Variants in FYB2 observed in about 807,000 individuals in gnomAD.
The protein encoded by FYB2 is FYN-binding protein 2.
Under a neutral mutation model 94.1 loss-of-function variants are expected in FYB2, and 103 were observed. The observed-to-expected ratio is 1.09, with a 90% confidence interval of 0.93 to 1.29. The LOEUF (loss-of-function observed/expected upper bound fraction) is 1.29, where lower values mean the gene tolerates loss of function less well. Ranked by LOEUF, FYB2 falls within the 50% of genes most tolerant of loss-of-function variation. The pLI, the probability that FYB2 is intolerant of heterozygous loss-of-function variation, is 0.00. For missense variants in FYB2, 896 were observed against 841.5 expected (o/e 1.06, Z -0.80); for synonymous variants, 293 against 287.9 (o/e 1.02, Z -0.18).
Position 56,758,810 on chromosome 1 carries a change from C to T in FYB2, c.1064-60G>A. 3.9e-6 allele frequency: 5 copies of T among 1,297,236 alleles called. No homozygotes were observed. In the East Asian group the frequency reaches 1.2e-4, roughly 31 times the overall value. The allele number at this position is 1,297,236 out of a possible 1,614,324, so 80.4% of individuals were successfully genotyped here. On this transcript the variant is annotated intron_variant, in intron 5 of 19. Coordinates refer to ENST00000343433, the MANE Select transcript of FYB2 (RefSeq NM_001004303.5). ...CTGATCCACCCATTTCTTATAGCACCCAGGATTAAAGCAGTTATAAAAGAT... is the reference window on the plus strand; with the variant it reads ...CTGATCCACCCATTTCTTATAGCACTCAGGATTAAAGCAGTTATAAAAGAT...
intron 15 of FYB2, among the ~76,000 whole-genome samples, chr1:56,727,824 T>C (rs899101495): frequency 6.6e-6 from 1 of 152,136 alleles, no homozygotes; most frequent in Non-Finnish European, 1.5e-5. Flanking sequence ...ACTTTTTGTT[T>C]TCTTTTGATT....
At chr1:56,735,794 C>T (rs1009661727) in intron 15 of FYB2, among the ~76,000 whole-genome samples, 2 of 152,096 alleles carry the variant, frequency 1.3e-5, no homozygotes, top group African/African-American at 4.8e-5. Context: ...GAGGCCTCAC[C>T]AGCCACGCGG....
Position 56,797,958 on chromosome 1 carries a change from G to C in FYB2, c.10-5155C>G, listed in dbSNP as rs560390195. Among the ~76,000 whole-genome samples the C allele has an allele frequency of 2.0e-5, 3 of 152,208 alleles. No homozygotes were observed. In the East Asian group the frequency reaches 5.8e-4, roughly 29 times the overall value. Reference sequence around the variant, plus strand: ...TTCAGTATTTGCCCACTGCTGTAGTGCCAGTGCCTCAATAAAAATGCGGTG... The same window carrying C: ...TTCAGTATTTGCCCACTGCTGTAGTCCCAGTGCCTCAATAAAAATGCGGTG... On this transcript the variant is annotated intron_variant, in intron 1 of 19. Coordinates refer to ENST00000343433, the MANE Select transcript of FYB2 (RefSeq NM_001004303.5).
At chr1:56,754,839 A>G (rs1269412027) in intron 7 of FYB2, among the ~76,000 whole-genome samples, 1 of 152,124 alleles carries the variant, frequency 6.6e-6, no homozygotes, top group Non-Finnish European at 1.5e-5. Flanking sequence ...AGCTCAATAA[A>G]TGTTGAACTA....
intron 3 of FYB2, among the ~76,000 whole-genome samples, chr1:56,788,235 A>G (rs1414982254): frequency 6.6e-6 from 1 of 152,184 alleles, no homozygotes; most frequent in African/African-American, 2.4e-5. Context: ...ATGAACAAAG[A>G]CTGTGTTAGC....
At chr1:56,755,482 G>A (rs1266291648) in intron 7 of FYB2, among the ~76,000 whole-genome samples, 1 of 152,054 alleles carries the variant, frequency 6.6e-6, no homozygotes, top group Non-Finnish European at 1.5e-5. Flanking sequence ...AAGAGCAAAG[G>A]CAAAGAGACT....
chr1:56,730,442 A>T (rs1417714717), intron 15 of FYB2, among the ~76,000 whole-genome samples: 1 of 148,032 alleles, frequency 6.8e-6, no homozygotes, highest in Non-Finnish European at 1.5e-5. Flanking sequence ...GAGGGAGGGG[A>T]TGGCAAGTTC....
chr1:56,766,497 G>C (rs189861217), intron 5 of FYB2, among the ~76,000 whole-genome samples: 246 of 151,684 alleles, frequency 1.6e-3, no homozygotes, highest in Non-Finnish European at 2.0e-3. Context: ...GCAGTGGCGC[G>C]ATCTCGGCTC....
intron 4 of FYB2, among the ~76,000 whole-genome samples, chr1:56,778,212 G>T (rs1473370882): frequency 6.6e-6 from 1 of 152,170 alleles, no homozygotes; most frequent in Non-Finnish European, 1.5e-5. Flanking sequence ...GTCCCCTTTG[G>T]CAAGGCCCTT....
chr1:56,723,231 A>C (rs1007851623), intron 17 of FYB2, among the ~76,000 whole-genome samples: 10 of 151,838 alleles, frequency 6.6e-5, no homozygotes, highest in Non-Finnish European at 1.5e-4. Flanking sequence ...ACACGCACAC[A>C]CACACACAAA....
upstream of FYB2, among the ~76,000 whole-genome samples, chr1:56,820,554 C>T (rs1570280780): frequency 3.9e-5 from 6 of 152,172 alleles, no homozygotes; most frequent in Admixed American, 3.9e-4. Flanking sequence ...CCTGTCCTGA[C>T]CAGGGAGAGG....
At chr1:56,781,645 A>G (rs1646011587) in intron 4 of FYB2, among the ~76,000 whole-genome samples, 1 of 152,114 alleles carries the variant, frequency 6.6e-6, no homozygotes, top group South Asian at 2.1e-4. Flanking sequence ...TTTCCCATGA[A>G]ATTTATTATT....
intron 2 of FYB2, among the ~76,000 whole-genome samples, chr1:56,790,174 T>C (rs987546041): frequency 6.6e-6 from 1 of 152,194 alleles, no homozygotes; most frequent in African/African-American, 2.4e-5. Flanking sequence ...GCCATTCATG[T>C]GAAAACTTAA....
chr1:56,755,070 C>T (rs1184967244), intron 7 of FYB2, among the ~76,000 whole-genome samples: 2 of 152,004 alleles, frequency 1.3e-5, no homozygotes, highest in Non-Finnish European at 2.9e-5. Flanking sequence ...ATCAACCATG[C>T]TTTTTAAAAA....
At chr1:56,740,102 A>G (rs1030988427) in intron 13 of FYB2, among the ~76,000 whole-genome samples, 25 of 152,160 alleles carry the variant, frequency 1.6e-4, no homozygotes, top group African/African-American at 6.0e-4. Flanking sequence ...CAGAACTGGT[A>G]CTAGAATATA....
chr1:56,794,940 C>T (rs918565095), intron 1 of FYB2, among the ~76,000 whole-genome samples: 1 of 152,014 alleles, frequency 6.6e-6, no homozygotes, highest in African/African-American at 2.4e-5. Context: ...AGATAACACA[C>T]ATACACACCT....
At chr1:56,795,024 A>C (rs571796180) in intron 1 of FYB2, among the ~76,000 whole-genome samples, 1 of 151,724 alleles carries the variant, frequency 6.6e-6, no homozygotes, top group South Asian at 2.1e-4. Context: ...CAAACTGTAC[A>C]CTTAGAGATC....
At position 56,792,270 on chromosome 1, in the gene FYB2, T is replaced by G. The variant is rs778886825; in HGVS notation, c.543A>C (p.Glu181Asp). 3 of 1,612,882 alleles carry G rather than the reference T, an allele frequency of 1.9e-6. No homozygotes were observed. Among genetic ancestry groups the G allele is most frequent in the Non-Finnish European group, 2.5e-6 (3 of 1,179,700 alleles). Reference sequence around the variant, plus strand: ...CTTTTGTTTCCAGCTTTTTCCTGGGTTCCTCTGGAGTAAGCCCCATGCCTT... The same window carrying G: ...CTTTTGTTTCCAGCTTTTTCCTGGGGTCCTCTGGAGTAAGCCCCATGCCTT... Reference protein sequence around the residue: ...GQKGMGLTPEEPRKKLETKGA... With the variant: ...GQKGMGLTPEDPRKKLETKGA... Residue 181 changes from glutamate (E) to aspartate (D), a missense_variant, in exon 2 of 20, where the codon GAA becomes GAC. Physicochemically the swap from Glu to Asp is conservative, Grantham distance 45. Coordinates refer to ENST00000343433, the MANE Select transcript of FYB2 (RefSeq NM_001004303.5).
At chr1:56,721,157 C>G (rs775244166) in intron 17 of FYB2, among the ~76,000 whole-genome samples, 17 of 152,018 alleles carry the variant, frequency 1.1e-4, no homozygotes, top group Non-Finnish European at 2.1e-4. Flanking sequence ...GGTATCTTTT[C>G]CTGACAAACT....
Sources: allele counts gnomAD v4.1 joint callset (sites outside exome capture counted in the v4.1 genomes callset), GRCh38; gene constraint gnomAD v4.1.1; transcripts MANE v1.5; gene names NCBI Gene and HGNC (gene_info 2026-07-23, HGNC 2026-07-21).